Variants in CSTPP1 observed in about 807,000 individuals in gnomAD.
CSTPP1 encodes the protein centriolar satellite-associated tubulin polyglutamylase complex regulator 1, also known as UPF0705 protein C11orf49.
chr11:47,125,196 ATG>A, the CSTPP1 span, among the ~76,000 whole-genome samples: 1 of 152,176 alleles, frequency 6.6e-6, no homozygotes, highest in Non-Finnish European at 1.5e-5. Context: ...ATCTGAAGAG[ATG>A]TGTGTGTTTA....
chr11:47,133,906 C>T, the CSTPP1 span, among the ~76,000 whole-genome samples: 1 of 152,158 alleles, frequency 6.6e-6, no homozygotes, highest in Non-Finnish European at 1.5e-5. Context: ...ATGTAAACCC[C>T]TTAGAACAGT....
At chr11:47,054,885 ATTTTT>A in the CSTPP1 span, among the ~76,000 whole-genome samples, 2 of 141,728 alleles carry the variant, frequency 1.4e-5, no homozygotes, top group Middle Eastern at 7.5e-3. Context: ...GGGTAAGAAT[ATTTTT>A]TAAAAGCCTT....
chr11:47,070,078 A>G, the CSTPP1 span, among the ~76,000 whole-genome samples: 2 of 152,152 alleles, frequency 1.3e-5, no homozygotes, highest in African/African-American at 4.8e-5. Flanking sequence ...TATTAAACGC[A>G]TTCTCTAAAG....
At chr11:47,138,641 G>A in the CSTPP1 span, among the ~76,000 whole-genome samples, 1 of 152,150 alleles carries the variant, frequency 6.6e-6, no homozygotes, top group Non-Finnish European at 1.5e-5. Context: ...ACCACATGAG[G>A]TAATTGGACT....
At chr11:47,090,073 CCAGGTTCAAGCGATTCT>C in the CSTPP1 span, among the ~76,000 whole-genome samples, 3 of 152,090 alleles carry the variant, frequency 2.0e-5, no homozygotes, top group African/African-American at 7.2e-5. Flanking sequence ...CCTCTGCCTC[CCAGGTTCAAGCGATTCT>C]CCTGCCTCAG....
the CSTPP1 span, among the ~76,000 whole-genome samples, chr11:47,138,805 C>G: frequency 6.6e-6 from 1 of 151,924 alleles, no homozygotes; most frequent in Admixed American, 6.6e-5. Flanking sequence ...TGGCGAAACT[C>G]CATCTCTACT....
chr11:47,082,573 A>G, the CSTPP1 span, among the ~76,000 whole-genome samples: 1 of 152,208 alleles, frequency 6.6e-6, no homozygotes, highest in Non-Finnish European at 1.5e-5. Context: ...TATATACCAT[A>G]CAATTCACCT....
At chr11:47,115,107 G>T in the CSTPP1 span, among the ~76,000 whole-genome samples, 5 of 152,280 alleles carry the variant, frequency 3.3e-5, no homozygotes, top group African/African-American at 1.2e-4. Flanking sequence ...TTTGTCTTTG[G>T]TTCTGTTTAT....
chr11:46,969,640 T>G, the CSTPP1 span, among the ~76,000 whole-genome samples: 3 of 152,218 alleles, frequency 2.0e-5, no homozygotes, highest in Non-Finnish European at 2.9e-5. Context: ...ACAGTGGAAC[T>G]GATAAATAAA....
the CSTPP1 span, among the ~76,000 whole-genome samples, chr11:46,941,879 C>T: frequency 3.3e-5 from 5 of 152,100 alleles, no homozygotes; most frequent in Non-Finnish European, 7.3e-5. Flanking sequence ...AGTTGAGTTC[C>T]CCTTGGTTAG....
chr11:47,071,518 T>C, the CSTPP1 span, among the ~76,000 whole-genome samples: 2 of 152,240 alleles, frequency 1.3e-5, no homozygotes, highest in African/African-American at 4.8e-5. Flanking sequence ...GTGATAATGA[T>C]CATTGTTAGC....
At chr11:47,010,880 C>T in the CSTPP1 span, among the ~76,000 whole-genome samples, 1 of 152,000 alleles carries the variant, frequency 6.6e-6, no homozygotes, top group Non-Finnish European at 1.5e-5. Context: ...CAGTGTGATT[C>T]CCCAGGAAAA....
chr11:47,125,273 T>C, the CSTPP1 span, among the ~76,000 whole-genome samples: 14 of 152,172 alleles, frequency 9.2e-5, no homozygotes, highest in Admixed American at 6.5e-4. Context: ...TTTTAGTTGA[T>C]AGGTAGCCGT....
the CSTPP1 span, among the ~76,000 whole-genome samples, chr11:47,038,090 G>T: frequency 2.1e-5 from 2 of 95,172 alleles, no homozygotes; most frequent in African/African-American, 2.9e-5. Flanking sequence ...GGGGCGGCTG[G>T]CCGGGCGGGG....
the CSTPP1 span, among the ~76,000 whole-genome samples, chr11:46,938,957 T>G: frequency 1.3e-5 from 2 of 151,822 alleles, no homozygotes; most frequent in South Asian, 4.1e-4. Flanking sequence ...TTTAATTTTT[T>G]GTAGAGAAAG....
chr11:46,949,213 A>G, the CSTPP1 span, among the ~76,000 whole-genome samples: 2 of 152,234 alleles, frequency 1.3e-5, no homozygotes, highest in Non-Finnish European at 2.9e-5. Context: ...TGAGAGGCTG[A>G]ATTAATTAAT....
At chr11:46,979,861 C>T in the CSTPP1 span, among the ~76,000 whole-genome samples, 38 of 151,994 alleles carry the variant, frequency 2.5e-4, no homozygotes, top group Admixed American at 2.0e-4. Flanking sequence ...TGCAGTGAGC[C>T]GCGATCACGC....
the CSTPP1 span, chr11:46,987,451 C>A: frequency 2.9e-6 from 2 of 693,744 alleles, no homozygotes. Context: ...GGTTGTGGGC[C>A]GCCCAAACAT....
the CSTPP1 span, among the ~76,000 whole-genome samples, chr11:46,938,331 A>C: frequency 3.4e-5 from 5 of 147,922 alleles, no homozygotes; most frequent in Non-Finnish European, 6.0e-5. Context: ...ATATATAATA[A>C]TATATTATAT....
Sources: gnomAD v4.1 joint callset for allele counts (sites outside exome capture counted in the v4.1 genomes callset) on GRCh38, gnomAD v4.1.1 for gene constraint, MANE v1.5 for transcripts, NCBI Gene and HGNC (gene_info 2026-07-23, HGNC 2026-07-21) for gene names.